CNTN6: variants seen among roughly 807,000 people sequenced by gnomAD.
CNTN6 encodes contactin 6, also known as contactin-6.
In CNTN6, 137 loss-of-function variants were observed where a neutral mutation model predicts 122.8. The ratio of observed to expected loss-of-function variants is 1.12; its 90% confidence interval spans 0.97 to 1.29. The LOEUF is 1.29. Among genes scored for constraint, CNTN6 ranks in the 50% most tolerant of loss-of-function variants. The probability of loss-of-function intolerance (pLI) is 0.00; values close to 1 mark genes in which losing one functional copy is unlikely to be tolerated. For synonymous variants in CNTN6, 570 were observed against 426.0 expected (o/e 1.34, Z -4.16); for missense variants, 1,634 against 1,223.4 (o/e 1.34, Z -5.01).
chr3:1,355,240 C>T (rs1223967336), intron 12 of CNTN6, among the ~76,000 whole-genome samples: 3 of 151,556 alleles, frequency 2.0e-5, no homozygotes, highest in Non-Finnish European at 4.4e-5. Flanking sequence ...CACACAAATA[C>T]ATATAAATAA....
intron 4 of CNTN6, among the ~76,000 whole-genome samples, chr3:1,238,723 C>A (rs1227926092): frequency 2.0e-5 from 3 of 152,108 alleles, no homozygotes; most frequent in Admixed American, 1.3e-4. Flanking sequence ...TTAAGAAAAT[C>A]GAAATTATAT....
intron 14 of CNTN6, 52 bp from the exon 15 acceptor site, chr3:1,373,552 T>G: frequency 6.4e-7 from 1 of 1,565,548 alleles, no homozygotes; most frequent in East Asian, 2.3e-5. Flanking sequence ...TAGTACCAAA[T>G]TAATGAATGT....
intron 20 of CNTN6, among the ~76,000 whole-genome samples, chr3:1,396,641 A>G (rs1488787746): frequency 6.6e-6 from 1 of 152,226 alleles, no homozygotes; most frequent in Non-Finnish European, 1.5e-5. Flanking sequence ...AACATGTGTT[A>G]TTATACTCCT....
chr3:1,242,928 C>G (rs988786923), intron 4 of CNTN6, among the ~76,000 whole-genome samples: 1 of 151,948 alleles, frequency 6.6e-6, no homozygotes, highest in Non-Finnish European at 1.5e-5. Flanking sequence ...GAAACAGGCC[C>G]TTGAAAAGAA....
At chr3:1,111,117 A>G (rs1321040871) in intron 1 of CNTN6, among the ~76,000 whole-genome samples, 2 of 152,208 alleles carry the variant, frequency 1.3e-5, no homozygotes, top group Non-Finnish European at 2.9e-5. Context: ...ACAATGTCTG[A>G]CATACAGCAA....
chr3:1,364,173 A>T (rs992014741), intron 12 of CNTN6, among the ~76,000 whole-genome samples: 1 of 151,960 alleles, frequency 6.6e-6, no homozygotes, highest in Non-Finnish European at 1.5e-5. Context: ...GTAATTTGAG[A>T]TTCTGAGGAA....
chr3:1,394,156 A>T (rs958956127), intron 20 of CNTN6: 1 of 190,480 alleles, frequency 5.2e-6, no homozygotes, highest in Admixed American at 6.2e-5. Flanking sequence ...TCAGCTACAT[A>T]GGAGAACTGC....
At chr3:1,151,286 C>T (rs1387274615) in intron 2 of CNTN6, among the ~76,000 whole-genome samples, 1 of 152,022 alleles carries the variant, frequency 6.6e-6, no homozygotes, top group African/African-American at 2.4e-5. Context: ...TAATTAATTA[C>T]CAAAAGTTAA....
At chr3:1,198,243 G>A (rs1201107222) in intron 2 of CNTN6, among the ~76,000 whole-genome samples, 2 of 152,098 alleles carry the variant, frequency 1.3e-5, no homozygotes, top group Non-Finnish European at 2.9e-5. Context: ...CTTCATTCAA[G>A]TAAGTTTGGA....
At chr3:1,143,962 A>G (rs963702967) in intron 1 of CNTN6, among the ~76,000 whole-genome samples, 1 of 152,306 alleles carries the variant, frequency 6.6e-6, no homozygotes, top group South Asian at 2.1e-4. Context: ...TGAATCACTC[A>G]ATGTTACTCA....
intron 4 of CNTN6, among the ~76,000 whole-genome samples, chr3:1,255,217 A>T (rs931977618): frequency 6.6e-6 from 1 of 152,094 alleles, no homozygotes; most frequent in Non-Finnish European, 1.5e-5. Flanking sequence ...CAGATTGAGG[A>T]ATGGTGAAAG....
Position 1,154,164 on chromosome 3 carries a change from T to C in CNTN6, c.55+6101T>C, listed in dbSNP as rs531256076. 4.6e-5 allele frequency among the ~76,000 whole-genome samples: 7 copies of C among 151,948 alleles called. No homozygotes were observed. In the East Asian group the frequency reaches 1.4e-3, roughly 29 times the overall value. On this transcript the variant is annotated intron_variant, in intron 2 of 22. Transcript: ENST00000446702. The stretch of plus-strand genomic sequence containing the variant: ...ATTGATTCTTAAACCTTAAATGAAA[T>C]TGTTAGGACTGATAAGAATGTAGGA...
At chr3:1,329,243 A>G (rs1393458139) in intron 10 of CNTN6, among the ~76,000 whole-genome samples, 1 of 141,906 alleles carries the variant, frequency 7.0e-6, no homozygotes, top group Non-Finnish European at 1.5e-5. Flanking sequence ...GTATGTGCAT[A>G]CATGTATATG....
chr3:1,262,501 G>C (rs1277191149), intron 4 of CNTN6, among the ~76,000 whole-genome samples: 1 of 152,188 alleles, frequency 6.6e-6, no homozygotes, highest in South Asian at 2.1e-4. Context: ...GATTTCTCTT[G>C]ATCCTTTTTA....
intron 7 of CNTN6, chr3:1,298,348 A>G (rs869189025): frequency 6.1e-6 from 1 of 163,766 alleles, no homozygotes; most frequent in Non-Finnish European, 1.3e-5. Flanking sequence ...ATCTTGTCCT[A>G]CATCCAGAAA....
chr3:1,240,882 T>C, intron 4 of CNTN6, among the ~76,000 whole-genome samples: 1 of 151,514 alleles, frequency 6.6e-6, no homozygotes, highest in South Asian at 2.1e-4. Context: ...TGAAGGGAGA[T>C]AGGGGTGGGG....
chr3:1,211,081 T>C (rs1575252223), intron 2 of CNTN6, among the ~76,000 whole-genome samples: 1 of 152,124 alleles, frequency 6.6e-6, no homozygotes, highest in East Asian at 1.9e-4. Context: ...CTCACACTAA[T>C]GGAAAATCCT....
chr3:1,269,006 A>G (rs2094977018), intron 4 of CNTN6, among the ~76,000 whole-genome samples: 1 of 152,156 alleles, frequency 6.6e-6, no homozygotes, highest in South Asian at 2.1e-4. Context: ...AATAAAATAA[A>G]AATAAAAATT....
At chr3:1,340,352 G>T (rs1010780987) in intron 11 of CNTN6, among the ~76,000 whole-genome samples, 6 of 152,082 alleles carry the variant, frequency 3.9e-5, no homozygotes, top group Admixed American at 1.3e-4. Flanking sequence ...TCACTAAAAG[G>T]TATAGAATAA....
Sources: allele counts gnomAD v4.1 joint callset (sites outside exome capture counted in the v4.1 genomes callset), GRCh38; gene constraint gnomAD v4.1.1; transcripts MANE v1.5; gene names NCBI Gene and HGNC (gene_info 2026-07-23, HGNC 2026-07-21).